The following HS6ST3 variants were observed in gnomAD, a reference collection of about 807,000 sequenced individuals.
HS6ST3 encodes the protein heparan sulfate 6-O-sulfotransferase 3, also known as heparan-sulfate 6-O-sulfotransferase 3.
HS6ST3 carries 12 observed loss-of-function variants against 36.7 expected under a neutral mutation model. The ratio of observed to expected loss-of-function variants is 0.33; its 90% CI spans 0.21 to 0.53. The LOEUF (loss-of-function observed/expected upper bound fraction) is 0.53. Ranked by LOEUF, HS6ST3 falls within the 20% of genes least tolerant of loss-of-function variation. The probability of loss-of-function intolerance (pLI) is 0.95; values close to 1 mark genes in which losing one functional copy is unlikely to be tolerated. For missense variants in HS6ST3, 584 were observed against 640.9 expected, an observed-to-expected ratio of 0.91 and a Z score of 0.96; for synonymous variants, 240 against 257.5, an observed-to-expected ratio of 0.93 and a Z score of 0.65.
At chr13:96,140,555 A>G (rs991847285) in intron 1 of HS6ST3, among the ~76,000 whole-genome samples, 5 of 152,214 alleles carry the variant, frequency 3.3e-5, no homozygotes, top group Non-Finnish European at 5.9e-5. Context: ...TCATGACATT[A>G]CAAGAAAAAG....
intron 1 of HS6ST3, among the ~76,000 whole-genome samples, chr13:96,729,587 C>T (rs984267498): frequency 6.6e-6 from 1 of 151,838 alleles, no homozygotes; most frequent in East Asian, 1.9e-4. Flanking sequence ...CTCCCAAGTA[C>T]CTGGGATTAC....
intron 1 of HS6ST3, among the ~76,000 whole-genome samples, chr13:96,403,172 C>T (rs1469630620): frequency 6.6e-6 from 1 of 152,098 alleles, no homozygotes; most frequent in Non-Finnish European, 1.5e-5. Flanking sequence ...CTTATTGGCC[C>T]TGCAAACATC....
At chr13:96,113,961 T>G (rs76769725) in intron 1 of HS6ST3, among the ~76,000 whole-genome samples, 153 of 152,186 alleles carry the variant, frequency 1.0e-3, no homozygotes, top group Admixed American at 1.8e-3. Flanking sequence ...ATGATAATTA[T>G]GAAGAGCCGC....
intron 1 of HS6ST3, among the ~76,000 whole-genome samples, chr13:96,547,890 A>G (rs1197218661): frequency 6.6e-6 from 1 of 151,192 alleles, no homozygotes; most frequent in African/African-American, 2.4e-5. Context: ...TTTTTTTTTA[A>G]TCTTAGAGAT....
chr13:96,584,738 C>T lies in HS6ST3; in HGVS notation c.708-247752C>T, dbSNP rs182132620. 5.2e-3 allele frequency among the ~76,000 whole-genome samples: 790 copies of T among 152,274 alleles called. 8 individuals carry two copies. The highest frequency in any genetic ancestry group is 0.018 in the African/African-American group (753 of 41,552). On this transcript the variant is annotated intron_variant, in intron 1 of 1. Coordinates refer to ENST00000376705, the MANE Select transcript of HS6ST3 (RefSeq NM_153456.4). ...TCCTGGAGAAATGTAATAAAAATTT[C>T]AGGCCCTACAGGCTACTGAAACCTT...
chr13:96,708,150 G>T (rs1271442755), intron 1 of HS6ST3, among the ~76,000 whole-genome samples: 1 of 152,202 alleles, frequency 6.6e-6, no homozygotes, highest in African/African-American at 2.4e-5. Context: ...GAAAACAGCT[G>T]CCAGAAATCA....
chr13:96,644,704 G>C (rs2056581867), intron 1 of HS6ST3, among the ~76,000 whole-genome samples: 2 of 151,958 alleles, frequency 1.3e-5, no homozygotes, highest in Non-Finnish European at 2.9e-5. Flanking sequence ...AAAATTAATA[G>C]CAGAAACCCA....
chr13:96,835,386 G>A lies in HS6ST3; in HGVS notation c.*2188G>A, dbSNP rs1447183957. 2 of 152,144 alleles carry A rather than the reference G, an allele frequency of 1.3e-5. No homozygotes were observed. Among genetic ancestry groups the A allele is most frequent in the Non-Finnish European group, 2.9e-5 (2 of 68,052 alleles). 9.4% of individuals were successfully genotyped at this position (152,144 alleles called of 1,614,324 possible). A position where few individuals can be genotyped will look rare whatever the true frequency, so the allele number is the denominator to read the frequency against. ...CATATACAAGAGTAAGTTAAAAGGG[G>A]CCAAGTAAATGTTGCTTGTTATTTG... On this transcript the variant is annotated 3_prime_UTR_variant, in exon 2 of 2. Coordinates refer to ENST00000376705, the MANE Select transcript of HS6ST3 (RefSeq NM_153456.4).
chr13:96,529,013 G>T (rs998724283), intron 1 of HS6ST3, among the ~76,000 whole-genome samples: 1 of 151,766 alleles, frequency 6.6e-6, no homozygotes, highest in Admixed American at 6.6e-5. Flanking sequence ...ATTTACTATT[G>T]CCATTTATAA....
intron 1 of HS6ST3, among the ~76,000 whole-genome samples, chr13:96,504,777 C>T (rs1018505356): frequency 4.6e-5 from 7 of 152,082 alleles, no homozygotes; most frequent in Admixed American, 1.3e-4. Flanking sequence ...GTTGTGATAT[C>T]AGCAAGTTAA....
chr13:96,618,858 C>A (rs1028759866), intron 1 of HS6ST3, among the ~76,000 whole-genome samples: 2 of 152,156 alleles, frequency 1.3e-5, no homozygotes, highest in Admixed American at 1.3e-4. Context: ...TGCCATTGAA[C>A]TGTATTTAGG....
At chr13:96,337,705 G>C (rs1435734247) in intron 1 of HS6ST3, among the ~76,000 whole-genome samples, 1 of 152,026 alleles carries the variant, frequency 6.6e-6, no homozygotes, top group Non-Finnish European at 1.5e-5. Context: ...TCATCTTCTA[G>C]AATCTGAACC....
intron 1 of HS6ST3, among the ~76,000 whole-genome samples, chr13:96,098,545 G>C (rs1331185970): frequency 6.6e-6 from 1 of 152,196 alleles, no homozygotes; most frequent in African/African-American, 2.4e-5. Context: ...CCCTGGCCAG[G>C]CATGGTGGCT....
intron 1 of HS6ST3, among the ~76,000 whole-genome samples, chr13:96,482,040 G>C (rs2138898612): frequency 6.6e-6 from 1 of 152,180 alleles, no homozygotes; most frequent in Middle Eastern, 3.4e-3. Context: ...AATAAAAAGG[G>C]AGAAAAATCC....
chr13:96,091,023 C>T lies in HS6ST3; in HGVS notation c.161C>T (p.Pro54Leu). Residue 54 changes from proline (P) to leucine (L), a missense_variant, in exon 1 of 2, where the codon CCC becomes CTC. Pro to Leu is a moderately conservative substitution (Grantham distance 98, BLOSUM62 -3). Transcript: ENST00000376705. Reference sequence around the variant, plus strand: ...GCCGGCCCGCCCGCCGTCCCGGGTCCCGCCCGCCGGGCTCAGGCGCCGCCG... The same window carrying T: ...GCCGGCCCGCCCGCCGTCCCGGGTCTCGCCCGCCGGGCTCAGGCGCCGCCG... ...GEAGPPAVPG[P>L]ARRAQAPPEE... The T allele has an allele frequency of 8.0e-7, 1 of 1,254,386 alleles. No individual in the cohort carries two copies. The highest frequency in any genetic ancestry group is 1.0e-6 in the Non-Finnish European group (1 of 997,386). 77.7% of individuals were successfully genotyped at this position (1,254,386 alleles called of 1,614,324 possible).
intron 1 of HS6ST3, among the ~76,000 whole-genome samples, chr13:96,391,690 A>G (rs768839394): frequency 6.6e-6 from 1 of 152,152 alleles, no homozygotes; most frequent in Non-Finnish European, 1.5e-5. Context: ...GCGGCAGGCA[A>G]AGAGAGGAGC....
intron 1 of HS6ST3, among the ~76,000 whole-genome samples, chr13:96,271,638 G>C (rs1423800981): frequency 6.6e-6 from 1 of 151,990 alleles, no homozygotes; most frequent in Non-Finnish European, 1.5e-5. Context: ...CACTACTTTG[G>C]AAGGTCATGG....
intron 1 of HS6ST3, among the ~76,000 whole-genome samples, chr13:96,145,223 T>C (rs868786856): frequency 9.9e-5 from 15 of 151,208 alleles, no homozygotes; most frequent in East Asian, 7.8e-4. Context: ...CCTGAGGAAT[T>C]GCCACATTGA....
chr13:96,096,465 A>G (rs980740233), intron 1 of HS6ST3, among the ~76,000 whole-genome samples: 2 of 152,148 alleles, frequency 1.3e-5, no homozygotes, highest in Non-Finnish European at 2.9e-5. Flanking sequence ...GTTAGTTCTA[A>G]TGTAAGCTGA....
Sources: allele counts gnomAD v4.1 joint callset (sites outside exome capture counted in the v4.1 genomes callset), GRCh38; gene constraint gnomAD v4.1.1; transcripts MANE v1.5; gene names NCBI Gene and HGNC (gene_info 2026-07-23, HGNC 2026-07-21).